The following CUX2 variants were observed in gnomAD, a reference collection of about 807,000 sequenced individuals.
CUX2 encodes cut like homeobox 2.
Under a neutral mutation model 144.8 loss-of-function variants are expected in CUX2, and 40 were observed. The ratio of observed to expected loss-of-function variants is 0.28; its 90% CI spans 0.21 to 0.36. The LOEUF (loss-of-function observed/expected upper bound fraction) is 0.36, where lower values mean the gene tolerates loss of function less well. CUX2 is among the 10% of genes least tolerant of loss of function. CUX2 has a pLI of 1.00. For synonymous variants in CUX2, 827 were observed against 875.6 expected (o/e 0.94, Z 0.98); for missense variants, 1,615 against 1,994.0 (o/e 0.81, Z 3.62).
intron 1 of CUX2, among the ~76,000 whole-genome samples, chr12:111,200,672 A>C (rs1880526357): frequency 6.6e-6 from 1 of 152,124 alleles, no homozygotes; most frequent in African/African-American, 2.4e-5. Context: ...TTCAGACCCC[A>C]AAAGAATAGC....
intron 1 of CUX2, among the ~76,000 whole-genome samples, chr12:111,036,122 G>A (rs1869432209): frequency 6.6e-6 from 1 of 152,254 alleles, no homozygotes; most frequent in African/African-American, 2.4e-5. Flanking sequence ...TGACAAGAAC[G>A]TGGCACACAA....
rs78582901 is a variant in CUX2 at position 111,190,439 on chromosome 12, C to G, written c.64-23761C>G. ...CCACACTCTTGTTCCTGACCTTTCT[C>G]AGGGAGACATCTCCCCAAATTCATG... On this transcript the variant is annotated intron_variant, in intron 1 of 21. Transcript: ENST00000261726. The surrounding 1 kb of genome is among the most constrained non-coding windows in gnomAD (Gnocchi z 4.0). 6.6e-6 allele frequency among the ~76,000 whole-genome samples: 1 copy of G among 152,152 alleles called. No individual in the cohort carries two copies. Among genetic ancestry groups the G allele is most frequent in the Admixed American group, 6.5e-5 (1 of 15,280 alleles).
intron 1 of CUX2, among the ~76,000 whole-genome samples, chr12:111,087,948 G>A (rs113247597): frequency 0.019 from 2,906 of 152,228 alleles, 96 homozygotes; most frequent in African/African-American, 0.066. Flanking sequence ...CCCCCACACC[G>A]AGGAGCACTA....
chr12:111,123,383 C>T (rs1302013463), intron 1 of CUX2, among the ~76,000 whole-genome samples: 1 of 151,852 alleles, frequency 6.6e-6, no homozygotes, highest in Non-Finnish European at 1.5e-5. Context: ...AGGGTTTTGC[C>T]ATGTTGGCCA....
At chr12:111,049,264 C>T (rs1015936759) in intron 1 of CUX2, among the ~76,000 whole-genome samples, 1 of 152,036 alleles carries the variant, frequency 6.6e-6, no homozygotes, top group Admixed American at 6.6e-5. Context: ...CACCCATCCA[C>T]CCACCCATTC....
chr12:111,231,358 A>G (rs1188801700), intron 3 of CUX2, among the ~76,000 whole-genome samples: 1 of 152,210 alleles, frequency 6.6e-6, no homozygotes, highest in African/African-American at 2.4e-5. Context: ...AGGTTCACAC[A>G]TGTGGTATTA....
At chr12:111,206,316 A>T (rs1880917346) in intron 1 of CUX2, among the ~76,000 whole-genome samples, 2 of 152,210 alleles carry the variant, frequency 1.3e-5, no homozygotes, top group Admixed American at 1.3e-4. Flanking sequence ...TGGACTACAA[A>T]GCAAAACCCT....
intron 1 of CUX2, among the ~76,000 whole-genome samples, chr12:111,138,111 G>T (rs1876039182): frequency 6.6e-6 from 1 of 152,194 alleles, no homozygotes; most frequent in Non-Finnish European, 1.5e-5. Flanking sequence ...TCCCACAGAG[G>T]ATCTGCCACT....
chr12:111,296,180 A>AC (rs1885978613), intron 7 of CUX2, among the ~76,000 whole-genome samples: 1 of 151,788 alleles, frequency 6.6e-6, no homozygotes, highest in African/African-American at 2.4e-5. Flanking sequence ...CCACGCCTCC[A>AC]CCCCCCAACC....
At position 111,061,575 on chromosome 12, in the gene CUX2, G is replaced by A. The variant is rs184151377; in HGVS notation, c.63+27335G>A. 2.0e-5 allele frequency among the ~76,000 whole-genome samples: 3 copies of A among 152,186 alleles called. No individual in the cohort carries two copies. The highest frequency in any genetic ancestry group is 4.8e-5 in the African/African-American group (2 of 41,472). On this transcript the variant is annotated intron_variant, in intron 1 of 21. Coordinates refer to ENST00000261726, the MANE Select transcript of CUX2 (RefSeq NM_015267.4). The surrounding 1 kb of genome is among the most constrained non-coding windows in gnomAD (Gnocchi z 4.2). Reference sequence around the variant, plus strand: ...GGTGTGTGTTTCTGTCTACACCCTCGTCCTGCTTTGCCCGCCTAAGTACAT... The same window carrying A: ...GGTGTGTGTTTCTGTCTACACCCTCATCCTGCTTTGCCCGCCTAAGTACAT...
At chr12:111,065,520 G>A (rs1221221968) in intron 1 of CUX2, among the ~76,000 whole-genome samples, 1 of 152,206 alleles carries the variant, frequency 6.6e-6, no homozygotes, top group Non-Finnish European at 1.5e-5. Flanking sequence ...ATTTTTAGTA[G>A]AGACGGGGTT....
At chr12:111,062,485 G>T (rs780759187) in intron 1 of CUX2, among the ~76,000 whole-genome samples, 1 of 152,196 alleles carries the variant, frequency 6.6e-6, no homozygotes, top group Non-Finnish European at 1.5e-5. Flanking sequence ...GCTGGGAGAC[G>T]GCTCGAGCGA....
intron 1 of CUX2, among the ~76,000 whole-genome samples, chr12:111,079,974 T>C (rs1030302871): frequency 6.6e-6 from 1 of 152,232 alleles, no homozygotes; most frequent in Non-Finnish European, 1.5e-5. Flanking sequence ...AGTCCTGGGT[T>C]CTAGTCCTGT....
At chr12:111,245,892 C>T (rs1883257839) in intron 3 of CUX2, among the ~76,000 whole-genome samples, 1 of 152,068 alleles carries the variant, frequency 6.6e-6, no homozygotes, top group South Asian at 2.1e-4. Flanking sequence ...CTGGCAGGTG[C>T]ACAAAATGGA....
chr12:111,050,586 T>A (rs987764877), intron 1 of CUX2, among the ~76,000 whole-genome samples: 1 of 152,146 alleles, frequency 6.6e-6, no homozygotes, highest in African/African-American at 2.4e-5. Context: ...GGAGCTACCC[T>A]GATTACCTCC....
chr12:111,176,671 A>G (rs1169874494), intron 1 of CUX2, among the ~76,000 whole-genome samples: 1 of 152,174 alleles, frequency 6.6e-6, no homozygotes. Context: ...TTCCCTCCAC[A>G]GGATCTATCA....
chr12:111,075,093 C>A (rs1871453737), intron 1 of CUX2, among the ~76,000 whole-genome samples: 1 of 151,494 alleles, frequency 6.6e-6, no homozygotes, highest in Non-Finnish European at 1.5e-5. Flanking sequence ...ACCACCCCCA[C>A]CCCCCACCAC....
At chr12:111,041,848 G>C (rs565330820) in intron 1 of CUX2, among the ~76,000 whole-genome samples, 1 of 152,320 alleles carries the variant, frequency 6.6e-6, no homozygotes, top group South Asian at 2.1e-4. Flanking sequence ...TTCCAGAAGA[G>C]GCTGCATTTC....
chr12:111,180,109 C>A (rs1474560005), intron 1 of CUX2, among the ~76,000 whole-genome samples: 3 of 151,514 alleles, frequency 2.0e-5, no homozygotes, highest in African/African-American at 7.3e-5. Flanking sequence ...CCACCCTCCC[C>A]CCACCTCACC....
Sources: allele counts gnomAD v4.1 joint callset (sites outside exome capture counted in the v4.1 genomes callset), GRCh38; gene constraint gnomAD v4.1.1; non-coding constraint Gnocchi (gnomAD v3.1); transcripts MANE v1.5; gene names NCBI Gene and HGNC (gene_info 2026-07-23, HGNC 2026-07-21).